Variants in PCNT observed in about 807,000 individuals in gnomAD.
The protein encoded by PCNT is pericentrin, also known as kendrin.
A neutral mutation model predicts 380.4 loss-of-function variants in PCNT; 319 were observed. That is an observed-to-expected ratio of 0.84 (90% CI 0.77 to 0.92). PCNT has a LOEUF of 0.92. PCNT is among the 40% of genes least tolerant of loss of function. The probability of loss-of-function intolerance (pLI) is 0.00; values close to 1 mark genes in which losing one functional copy is unlikely to be tolerated. For synonymous variants in PCNT, 1,845 were observed against 1,735.2 expected, an observed-to-expected ratio of 1.06 and a Z score of -1.57; for missense variants, 4,400 against 4,255.3, an observed-to-expected ratio of 1.03 and a Z score of -0.95.
At chr21:46,350,788 G>A (rs151124413) in intron 8 of PCNT, among the ~76,000 whole-genome samples, 18 of 152,130 alleles carry the variant, frequency 1.2e-4, no homozygotes, top group African/African-American at 3.4e-4. Flanking sequence ...CTCTCCCTCC[G>A]AGATGGGAAA....
intron 3 of PCNT, among the ~76,000 whole-genome samples, chr21:46,337,788 G>A (rs867290398): frequency 6.6e-6 from 1 of 152,132 alleles, no homozygotes. Context: ...CACCATGTTG[G>A]TCAGGCTGAT....
At position 46,425,955 on chromosome 21, in the gene PCNT, A is replaced by G. The variant is rs373432697; in HGVS notation, c.7304A>G (p.His2435Arg). 107 of 1,613,800 alleles carry G rather than the reference A, an allele frequency of 6.6e-5. No individual in the cohort carries two copies. Among genetic ancestry groups the G allele is most frequent in the Non-Finnish European group, 8.7e-5 (103 of 1,179,964 alleles). ...GACGAGATACAGGACATCTCGCTCC[A>G]TGGGGGAAAGACGCAGGTTTATTTT... Reference protein sequence around the residue: ...KEDEIQDISLHGGKTQEVPTA... With the variant: ...KEDEIQDISLRGGKTQEVPTA... The change falls in exon 33 of 47, where the codon CAT (histidine) becomes CGT (arginine). Residue 2435 changes from histidine to arginine, a missense_variant. By Grantham distance (29) the His-to-Arg change is conservative. Coordinates refer to ENST00000359568, the MANE Select transcript of PCNT (RefSeq NM_006031.6). This position sits in a 1 kb window ranked among gnomAD's most constrained non-coding sequence, Gnocchi z 4.2.
chr21:46,374,741 C>T (rs1569217845), intron 15 of PCNT, among the ~76,000 whole-genome samples: 1 of 149,166 alleles, frequency 6.7e-6, no homozygotes, highest in Non-Finnish European at 1.5e-5. Context: ...CCCAGCTACT[C>T]GGGAGGCTGA....
rs1055786345 is a variant in PCNT at position 46,416,831 on chromosome 21, A to T, written c.6913A>T (p.Thr2305Ser). The T allele has an allele frequency of 5.0e-6, 8 of 1,597,696 alleles. No homozygotes were observed. The highest frequency in any genetic ancestry group is 5.0e-5 in the Admixed American group (3 of 59,980). Residue 2305 changes from threonine (T) to serine (S), a missense_variant, in exon 30 of 47, where the codon ACG becomes TCG. By Grantham distance (58) the Thr-to-Ser change is moderately conservative. Coordinates refer to ENST00000359568, the MANE Select transcript of PCNT (RefSeq NM_006031.6). ...GGCTGACGACCACCATGTGCAGAGGACGGCTGTGGTAGGTGCCTGCTCTGC... is the reference window on the plus strand; with the variant it reads ...GGCTGACGACCACCATGTGCAGAGGTCGGCTGTGGTAGGTGCCTGCTCTGC... ...PPADDHHVQR[T>S]AVEKDVEDFI...
intron 1 of PCNT, chr21:46,324,776 C>T: frequency 9.0e-6 from 6 of 663,832 alleles, no homozygotes; most frequent in Non-Finnish European, 9.3e-6. Flanking sequence ...GGTCTAGGGC[C>T]AGTTTCCTGC....
In PCNT at chr21:46,412,922, A is replaced by G. The variant is rs147189224; in HGVS notation, c.6080A>G (p.Gln2027Arg). ...EGVMSVLTVCQRQLQSELLLV... is the reference protein window; with the variant it reads ...EGVMSVLTVCRRQLQSELLLV... ...GTGATGTCAGTGCTCACCGTCTGCC[A>G]GAGGCAGCTGCAGTCGGAGCTGCTC... Residue 2027 changes from glutamine (Q) to arginine (R), a missense_variant, in exon 29 of 47, where the codon CAG becomes CGG. Physicochemically the swap from Gln to Arg is conservative, Grantham distance 43. Transcript: ENST00000359568. The G allele has an allele frequency of 2.5e-3, 4,108 of 1,612,562 alleles. 11 individuals are homozygous for G. Among genetic ancestry groups the G allele is most frequent in the Non-Finnish European group, 3.2e-3 (3,754 of 1,179,960 alleles).
intron 29 of PCNT, among the ~76,000 whole-genome samples, chr21:46,415,344 A>G (rs1387234608): frequency 6.9e-6 from 1 of 145,800 alleles, no homozygotes; most frequent in Non-Finnish European, 1.5e-5. Context: ...TGGGGCCCTC[A>G]TGACAGGAAC....
chr21:46,378,188 C>G (rs941469339), intron 15 of PCNT, among the ~76,000 whole-genome samples: 7 of 152,144 alleles, frequency 4.6e-5, no homozygotes, highest in Admixed American at 4.6e-4. Flanking sequence ...TCCAAGACCC[C>G]CAGTGGGTGC....
intron 27 of PCNT, among the ~76,000 whole-genome samples, chr21:46,403,374 G>A (rs112046070): frequency 2.0e-5 from 3 of 148,418 alleles, no homozygotes; most frequent in Non-Finnish European, 4.5e-5. Flanking sequence ...TGAACACAGC[G>A]TGGGAGAATT....
At chr21:46,391,799 A>G (rs1266950205) in intron 21 of PCNT, among the ~76,000 whole-genome samples, 1 of 152,246 alleles carries the variant, frequency 6.6e-6, no homozygotes, top group Admixed American at 6.5e-5. Flanking sequence ...AGATTTTTAG[A>G]TATTTTAGTC....
chr21:46,427,877 G>A (rs901205545), intron 34 of PCNT, 82 bp downstream of exon 34: 7 of 1,494,926 alleles, frequency 4.7e-6, no homozygotes, highest in Non-Finnish European at 6.5e-6. Flanking sequence ...ACTGTTTTGT[G>A]TGTGAATTTC....
intron 32 of PCNT, among the ~76,000 whole-genome samples, chr21:46,422,767 C>T (rs1253934285): frequency 6.6e-6 from 1 of 152,128 alleles, no homozygotes; most frequent in Non-Finnish European, 1.5e-5. Flanking sequence ...TAAGTCCTCA[C>T]TTAGCGTTGC....
intron 31 of PCNT, 50 bp from the exon 32 acceptor site, chr21:46,421,920 G>A: frequency 6.2e-7 from 1 of 1,605,474 alleles, no homozygotes; most frequent in Non-Finnish European, 8.5e-7. Context: ...GTCCCCTGGG[G>A]AACCCCCTGG....
At chr21:46,333,555 G>A (rs1269385220) in intron 2 of PCNT, among the ~76,000 whole-genome samples, 2 of 151,932 alleles carry the variant, frequency 1.3e-5, no homozygotes, top group South Asian at 2.1e-4. Context: ...GCAGTGAGCC[G>A]AGGTCATGCC....
chr21:46,362,473 C>T (rs919622813), intron 13 of PCNT, among the ~76,000 whole-genome samples: 1 of 152,158 alleles, frequency 6.6e-6, no homozygotes, highest in Admixed American at 6.5e-5. Flanking sequence ...TAGTGGTTGT[C>T]TCTGGAGGGC....
intron 16 of PCNT, 116 bp from the exon 17 acceptor site, chr21:46,385,716 C>A: frequency 8.8e-7 from 1 of 1,142,792 alleles, no homozygotes; most frequent in Admixed American, 1.7e-5. Context: ...CATCACCAAG[C>A]TGAAAAGTCC....
rs2073382 is a variant in PCNT at position 46,398,384 on chromosome 21, T to C, written c.4584+129T>C. 335,721 of 932,802 alleles carry C rather than the reference T, an allele frequency of 0.36. 62,635 individuals carry two copies. The highest frequency in any genetic ancestry group is 0.45 in the East Asian group (17,281 of 38,166). The allele number at this position is 932,802 out of a possible 1,614,324, so 57.8% of individuals were successfully genotyped here. On this transcript the variant is annotated intron_variant, in intron 24 of 46. Coordinates refer to ENST00000359568, the MANE Select transcript of PCNT (RefSeq NM_006031.6). ...TGGGCTGCAGCCATCTGCTTTCTCT[T>C]GTCTGAGGAAGCTGTAGTAGGTTCG...
intron 15 of PCNT, among the ~76,000 whole-genome samples, chr21:46,375,807 C>T (rs1014821402): frequency 2.0e-5 from 3 of 152,262 alleles, no homozygotes; most frequent in Non-Finnish European, 2.9e-5. Flanking sequence ...TTGGCCTCCA[C>T]CACCTCCTAC....
chr21:46,343,778 T>C (rs559430074), intron 3 of PCNT, among the ~76,000 whole-genome samples: 1 of 152,224 alleles, frequency 6.6e-6, no homozygotes, highest in Non-Finnish European at 1.5e-5. Flanking sequence ...ATTTTTAAAT[T>C]ACTGTTTCAG....
Sources: gnomAD v4.1 joint callset for allele counts (sites outside exome capture counted in the v4.1 genomes callset) on GRCh38, gnomAD v4.1.1 for gene constraint, Gnocchi (gnomAD v3.1) non-coding constraint, MANE v1.5 for transcripts, NCBI Gene and HGNC (gene_info 2026-07-23, HGNC 2026-07-21) for gene names.